TAFA1: variants seen among roughly 807,000 people sequenced by gnomAD.
The protein encoded by TAFA1 is chemokine-like protein TAFA-1.
A neutral mutation model predicts 18.5 loss-of-function variants in TAFA1; 4 were observed. That is an observed-to-expected ratio of 0.22 (90% CI 0.11 to 0.49). The LOEUF (loss-of-function observed/expected upper bound fraction) is 0.49, where lower values mean the gene tolerates loss of function less well. Ranked by LOEUF, TAFA1 falls within the 20% of genes least tolerant of loss-of-function variation. The probability of loss-of-function intolerance (pLI) is 0.98; values close to 1 mark genes in which losing one functional copy is unlikely to be tolerated. For synonymous variants in TAFA1, 56 were observed against 55.2 expected, an observed-to-expected ratio of 1.01 and a Z score of -0.06; for missense variants, 147 against 169.0, an observed-to-expected ratio of 0.87 and a Z score of 0.72.
intron 2 of TAFA1, among the ~76,000 whole-genome samples, chr3:68,315,067 T>C (rs958920528): frequency 6.6e-6 from 1 of 152,058 alleles, no homozygotes; most frequent in Non-Finnish European, 1.5e-5. Context: ...CATGGAATAT[T>C]CTCCTGTGGA....
intron 2 of TAFA1, among the ~76,000 whole-genome samples, chr3:68,316,463 A>C (rs567523578): frequency 2.0e-5 from 3 of 152,284 alleles, no homozygotes; most frequent in African/African-American, 7.2e-5. Flanking sequence ...TGTGTTTATA[A>C]TGTTGTTCGG....
intron 2 of TAFA1, among the ~76,000 whole-genome samples, chr3:68,031,329 T>C (rs1704930634): frequency 6.6e-6 from 1 of 152,230 alleles, no homozygotes; most frequent in Non-Finnish European, 1.5e-5. Flanking sequence ...ATATCCCATC[T>C]GGGTTCTTAT....
intron 2 of TAFA1, among the ~76,000 whole-genome samples, chr3:68,121,249 A>ATGTGTGTGTGTGTGTG (rs67968765): frequency 2.0e-5 from 3 of 147,970 alleles, no homozygotes; most frequent in African/African-American, 7.5e-5. Flanking sequence ...ATGTACATTA[A>ATGTGTGTGTGTGTGTG]TGTGTGTGTG....
intron 2 of TAFA1, among the ~76,000 whole-genome samples, chr3:68,390,680 T>C (rs2070219645): frequency 6.6e-6 from 1 of 152,184 alleles, no homozygotes; most frequent in African/African-American, 2.4e-5. Flanking sequence ...CTTTGCTGTT[T>C]TGCAACCTCT....
intron 2 of TAFA1, among the ~76,000 whole-genome samples, chr3:68,214,565 C>A (rs1039359643): frequency 6.6e-6 from 1 of 152,162 alleles, no homozygotes. Context: ...CACTCTCATG[C>A]CGTTTCTTTC....
chr3:68,315,974 G>C (rs1330662364), intron 2 of TAFA1, among the ~76,000 whole-genome samples: 1 of 152,184 alleles, frequency 6.6e-6, no homozygotes. Context: ...AATGAAGAAA[G>C]AAGAAAGCAG....
At chr3:68,326,048 A>G (rs918978546) in intron 2 of TAFA1, among the ~76,000 whole-genome samples, 1 of 152,202 alleles carries the variant, frequency 6.6e-6, no homozygotes, top group Non-Finnish European at 1.5e-5. Flanking sequence ...AATAGAATAC[A>G]TTAGAATGTC....
At chr3:68,424,360 A>G (rs900201489) in intron 3 of TAFA1, among the ~76,000 whole-genome samples, 5 of 152,032 alleles carry the variant, frequency 3.3e-5, no homozygotes, top group African/African-American at 1.2e-4. Context: ...AGTAGTTAAT[A>G]AAGAAATGCT....
intron 2 of TAFA1, among the ~76,000 whole-genome samples, chr3:68,386,953 T>C (rs2070117864): frequency 6.6e-6 from 1 of 152,160 alleles, no homozygotes; most frequent in Admixed American, 6.6e-5. Context: ...TGTGTATTGG[T>C]TTGATATGGA....
intron 2 of TAFA1, among the ~76,000 whole-genome samples, chr3:68,011,312 G>T (rs921291018): frequency 6.6e-6 from 1 of 152,024 alleles, no homozygotes; most frequent in South Asian, 2.1e-4. Flanking sequence ...CTATTTTATC[G>T]ACAGGGGTGT....
At chr3:68,000,069 G>A (rs1441362044), upstream of TAFA1, among the ~76,000 whole-genome samples, 2 of 152,290 alleles carry the variant, frequency 1.3e-5, no homozygotes, top group South Asian at 2.1e-4. Flanking sequence ...GATTCTAGGC[G>A]TGAGCCACCG....
intron 2 of TAFA1, among the ~76,000 whole-genome samples, chr3:68,306,152 A>G (rs552598128): frequency 6.6e-6 from 1 of 152,368 alleles, no homozygotes; most frequent in African/African-American, 2.4e-5. Flanking sequence ...AAGGAAGATC[A>G]GGTGTTAGGA....
intron 3 of TAFA1, among the ~76,000 whole-genome samples, chr3:68,424,694 GGA>G (rs148136079): frequency 0.14 from 21,572 of 151,826 alleles, 2,012 homozygotes; most frequent in East Asian, 0.32. Flanking sequence ...GTTTTTCATA[GGA>G]TAACATGAGA....
chr3:68,313,783 T>C (rs972191190), intron 2 of TAFA1, among the ~76,000 whole-genome samples: 1 of 152,220 alleles, frequency 6.6e-6, no homozygotes, highest in African/African-American at 2.4e-5. Context: ...CAATCACTAT[T>C]ACTGGAACTT....
intron 2 of TAFA1, among the ~76,000 whole-genome samples, chr3:68,359,901 T>A (rs2069438771): frequency 6.6e-6 from 1 of 151,994 alleles, no homozygotes; most frequent in Non-Finnish European, 1.5e-5. Context: ...GACCTTGATA[T>A]GAGACATATT....
chr3:68,354,591 A>G (rs1257302042), intron 2 of TAFA1, among the ~76,000 whole-genome samples: 2 of 152,050 alleles, frequency 1.3e-5, no homozygotes, highest in Non-Finnish European at 2.9e-5. Flanking sequence ...ATAAAAATAC[A>G]CTTAAATAAC....
At chr3:68,114,743 AAT>A (rs1406057915) in intron 2 of TAFA1, among the ~76,000 whole-genome samples, 3 of 152,208 alleles carry the variant, frequency 2.0e-5, no homozygotes, top group Non-Finnish European at 4.4e-5. Flanking sequence ...TATACTAAGA[AAT>A]ATATATGAGT....
chr3:68,029,956 A>G (rs1397655772), intron 2 of TAFA1, among the ~76,000 whole-genome samples: 1 of 152,156 alleles, frequency 6.6e-6, no homozygotes, highest in Non-Finnish European at 1.5e-5. Flanking sequence ...ATGCCTGGGT[A>G]AGAAGCCTGC....
rs185087378 is a variant in TAFA1 at position 68,090,105 on chromosome 3, C to G, written c.118+83361C>G. On this transcript the variant is annotated intron_variant, in intron 2 of 4. Coordinates refer to ENST00000478136, the MANE Select transcript of TAFA1 (RefSeq NM_213609.4). ...GATGTGAAGAGCAACTAATGTTAGC[C>G]AGGCATCCAAATAGCTGAGAATTTC... Among the ~76,000 whole-genome samples, 376 of 152,268 alleles carry G rather than the reference C, an allele frequency of 2.5e-3. 4 individuals are homozygous for G. The highest frequency in any genetic ancestry group is 8.7e-3 in the African/African-American group (361 of 41,556).
Sources: allele counts gnomAD v4.1 joint callset (sites outside exome capture counted in the v4.1 genomes callset), GRCh38; gene constraint gnomAD v4.1.1; transcripts MANE v1.5; gene names NCBI Gene and HGNC (gene_info 2026-07-23, HGNC 2026-07-21).